The following ARMC2 variants were observed in gnomAD, a reference collection of about 807,000 sequenced individuals.
The protein encoded by ARMC2 is armadillo repeat containing 2, also known as armadillo repeat-containing protein 2.
ARMC2 carries 67 observed loss-of-function variants against 90.3 expected under a neutral mutation model. The observed-to-expected ratio is 0.74, with a 90% CI of 0.61 to 0.91. The LOEUF (loss-of-function observed/expected upper bound fraction) is 0.91. ARMC2 is among the 40% of genes least tolerant of loss of function. The probability of loss-of-function intolerance (pLI) is 0.00; values close to 1 mark genes in which losing one functional copy is unlikely to be tolerated. For missense variants in ARMC2, 920 were observed against 1,030.9 expected (o/e 0.89, Z 1.47); for synonymous variants, 393 against 393.0 (o/e 1.00, Z 0.00).
chr6:108,984,762 A>G, the ARMC2 span, among the ~76,000 whole-genome samples: 4 of 152,198 alleles, frequency 2.6e-5, no homozygotes, highest in South Asian at 2.1e-4. Context: ...TTTGTATCCT[A>G]CAACTTTGCT....
At position 108,911,006 on chromosome 6, in the gene ARMC2, G is replaced by A; in HGVS notation, c.1126+5G>A. On this transcript the variant is annotated splice_donor_5th_base_variant and intron_variant, in intron 9 of 17. Coordinates refer to ENST00000392644, the MANE Select transcript of ARMC2 (RefSeq NM_032131.6). Reference sequence around the variant, plus strand: ...TTCAAAATGACAGCATTCTGGGTGAGTGTCATTCAGTGCTACTATTGAGCA... The same window carrying A: ...TTCAAAATGACAGCATTCTGGGTGAATGTCATTCAGTGCTACTATTGAGCA... 2.0e-6 allele frequency: 3 copies of A among 1,517,878 alleles called. No homozygotes were observed. Among genetic ancestry groups the A allele is most frequent in the Non-Finnish European group, 2.7e-6 (3 of 1,110,864 alleles). The allele number at this position is 1,517,878 out of a possible 1,614,324, so 94.0% of individuals were successfully genotyped here.
chr6:108,868,335 G>T (rs1776044595), intron 3 of ARMC2, among the ~76,000 whole-genome samples: 1 of 152,068 alleles, frequency 6.6e-6, no homozygotes, highest in African/African-American at 2.4e-5. Flanking sequence ...TCCTGCCTCA[G>T]CCTACTGAGT....
the ARMC2 span, among the ~76,000 whole-genome samples, chr6:108,982,093 C>T: frequency 6.6e-6 from 1 of 152,154 alleles, no homozygotes; most frequent in Non-Finnish European, 1.5e-5. Flanking sequence ...AATAATGTTG[C>T]CATGAATATA....
At position 108,869,189 on chromosome 6, in the gene ARMC2, A is replaced by G. The variant is rs143489728; in HGVS notation, c.463+194A>G. Among the ~76,000 whole-genome samples the G allele has an allele frequency of 5.3e-5, 8 of 152,350 alleles. No individual in the cohort carries two copies. In the East Asian group the frequency reaches 1.5e-3, roughly 29 times the overall value. ...CTGGGTGCTTATAAGGAATACCTAA[A>G]TATTACAGTTGGTAGGAAAAGGAAA... On this transcript the variant is annotated intron_variant, in intron 4 of 17. Transcript: ENST00000392644.
intron 13 of ARMC2, among the ~76,000 whole-genome samples, chr6:108,959,280 A>C (rs1444023165): frequency 6.6e-6 from 1 of 152,164 alleles, no homozygotes; most frequent in Non-Finnish European, 1.5e-5. Context: ...TGTTCTCTTT[A>C]ATGAACAGGA....
chr6:109,020,288 T>A, the ARMC2 span, among the ~76,000 whole-genome samples: 1 of 152,212 alleles, frequency 6.6e-6, no homozygotes, highest in Non-Finnish European at 1.5e-5. Flanking sequence ...TCACCAACTC[T>A]TGGCAAAATA....
At chr6:108,896,334 CTG>C (rs765081772) in intron 6 of ARMC2, among the ~76,000 whole-genome samples, 13 of 152,156 alleles carry the variant, frequency 8.5e-5, no homozygotes, top group African/African-American at 2.4e-4. Flanking sequence ...ATTTAGCAAA[CTG>C]TGAACCTAGA....
intron 10 of ARMC2, among the ~76,000 whole-genome samples, chr6:108,919,844 C>A (rs1355912014): frequency 6.6e-6 from 1 of 152,164 alleles, no homozygotes; most frequent in Non-Finnish European, 1.5e-5. Flanking sequence ...ATAAGCTCTG[C>A]CTGTTCTAAA....
chr6:108,881,323 T>TTCCTTCCTTCCTTCCTTCCTTCCTTCAC, intron 5 of ARMC2, among the ~76,000 whole-genome samples: 1 of 135,398 alleles, frequency 7.4e-6, no homozygotes, highest in Non-Finnish European at 1.6e-5. Context: ...CCTTCACTCC[T>TTCCTTCCTTCCTTCCTTCCTTCCTTCAC]TCCTTCCTTC....
chr6:108,918,004 T>C (rs1365967428), intron 10 of ARMC2, among the ~76,000 whole-genome samples: 1 of 152,138 alleles, frequency 6.6e-6, no homozygotes, highest in African/African-American at 2.4e-5. Context: ...ATATAAAACT[T>C]TCAGATGCCA....
the ARMC2 span, among the ~76,000 whole-genome samples, chr6:109,008,446 A>G: frequency 6.7e-6 from 1 of 150,020 alleles, no homozygotes; most frequent in Non-Finnish European, 1.5e-5. Context: ...AAAATCTCAA[A>G]AAAATATTTG....
chr6:108,879,756 T>C (rs1217687266), intron 5 of ARMC2, among the ~76,000 whole-genome samples: 2 of 152,212 alleles, frequency 1.3e-5, no homozygotes, highest in African/African-American at 2.4e-5. Context: ...CCAGTTGTTA[T>C]GGAGAATCAG....
rs972660648 is a variant in ARMC2, at chr6:108,858,805, G to T, written c.291+534G>T. 2.0e-5 allele frequency among the ~76,000 whole-genome samples: 3 copies of T among 151,998 alleles called. No homozygotes were observed. In the East Asian group the frequency reaches 5.8e-4, roughly 29 times the overall value. On this transcript the variant is annotated intron_variant, in intron 3 of 17. Coordinates refer to ENST00000392644, the MANE Select transcript of ARMC2 (RefSeq NM_032131.6). ...AGTGGCTTTCACTTTAAGCTCTTTC[G>T]ACACATCCTTTTAGGATTTACATCC...
At chr6:108,996,394 C>A in the ARMC2 span, among the ~76,000 whole-genome samples, 1 of 151,962 alleles carries the variant, frequency 6.6e-6, no homozygotes. Context: ...GAGTCAGTAA[C>A]CAAATAAAAA....
chr6:108,954,364 C>T (rs1777414154), intron 13 of ARMC2, among the ~76,000 whole-genome samples: 1 of 152,166 alleles, frequency 6.6e-6, no homozygotes, highest in African/African-American at 2.4e-5. Flanking sequence ...GTGGCTCAGG[C>T]CTGTAATCCC....
At chr6:108,994,696 A>ATAT in the ARMC2 span, 1 of 628,522 alleles carries the variant, frequency 1.6e-6, no homozygotes, top group Non-Finnish European at 2.3e-6. Flanking sequence ...AAGAATTTAT[A>ATAT]TCTTTTTTTT....
intron 1 of ARMC2, among the ~76,000 whole-genome samples, chr6:108,853,290 T>G (rs1774190468): frequency 6.6e-6 from 1 of 152,226 alleles, no homozygotes; most frequent in Non-Finnish European, 1.5e-5. Context: ...CATAATATAG[T>G]AAATCTTTAT....
At chr6:109,044,427 A>G in the ARMC2 span, among the ~76,000 whole-genome samples, 1 of 151,772 alleles carries the variant, frequency 6.6e-6, no homozygotes, top group African/African-American at 2.4e-5. Context: ...TAGGACATCC[A>G]TACGCAAAGA....
intron 3 of ARMC2, among the ~76,000 whole-genome samples, chr6:108,866,904 A>G (rs1775875153): frequency 6.6e-6 from 1 of 152,130 alleles, no homozygotes; most frequent in Non-Finnish European, 1.5e-5. Flanking sequence ...GAAATGAACA[A>G]CTTCTTGGAA....
Sources: gnomAD v4.1 joint callset for allele counts (sites outside exome capture counted in the v4.1 genomes callset) on GRCh38, gnomAD v4.1.1 for gene constraint, MANE v1.5 for transcripts, NCBI Gene and HGNC (gene_info 2026-07-23, HGNC 2026-07-21) for gene names.